Variants in PDE11A observed in about 807,000 individuals in gnomAD.
The protein encoded by PDE11A is dual 3',5'-cyclic-AMP and -GMP phosphodiesterase 11A.
PDE11A carries 100 observed loss-of-function variants against 100.5 expected under a neutral mutation model. The ratio of observed to expected loss-of-function variants is 1.00; its 90% CI spans 0.85 to 1.18. PDE11A has a LOEUF of 1.18. Among genes scored for constraint, PDE11A ranks in the 50% most tolerant of loss-of-function variants. PDE11A has a pLI of 0.00. For synonymous variants in PDE11A, 381 were observed against 420.8 expected, an observed-to-expected ratio of 0.91 and a Z score of 1.16; for missense variants, 1,141 against 1,152.6, an observed-to-expected ratio of 0.99 and a Z score of 0.15.
chr2:177,823,651 A>G (rs537140842), intron 6 of PDE11A, among the ~76,000 whole-genome samples: 2 of 152,310 alleles, frequency 1.3e-5, no homozygotes, highest in African/African-American at 2.4e-5. Context: ...TTCCAAAAAA[A>G]CAAACTGGTT....
chr2:177,990,259 T>A (rs182500265), intron 2 of PDE11A, among the ~76,000 whole-genome samples: 6 of 152,274 alleles, frequency 3.9e-5, no homozygotes, highest in Admixed American at 3.9e-4. Context: ...TCAATGAAAA[T>A]TCACTTGTAT....
At chr2:178,012,312 G>A (rs1209256355) in intron 2 of PDE11A, among the ~76,000 whole-genome samples, 1 of 152,122 alleles carries the variant, frequency 6.6e-6, no homozygotes, top group Non-Finnish European at 1.5e-5. Flanking sequence ...AGAAAAAGTT[G>A]CTTGGGGATA....
At chr2:177,756,541 C>G (rs2082092708) in intron 10 of PDE11A, among the ~76,000 whole-genome samples, 1 of 152,060 alleles carries the variant, frequency 6.6e-6, no homozygotes, top group African/African-American at 2.4e-5. Flanking sequence ...AAACTTAAGC[C>G]CAAGTGTTGA....
rs940448147 is a variant in PDE11A at position 177,625,074 on chromosome 2, A to C, written c.*4333T>G. The C allele has an allele frequency of 2.6e-5, 4 of 152,644 alleles. No homozygotes were observed. Among genetic ancestry groups the C allele is most frequent in the African/African-American group, 9.7e-5 (4 of 41,438 alleles). The allele number at this position is 152,644 out of a possible 1,614,324, so 9.5% of individuals were successfully genotyped here. A position where few individuals can be genotyped will look rare whatever the true frequency, so the allele number is the denominator to read the frequency against. ...GACAGAGCAAGACCCTGTCTCAAAA[A>C]AAGGACATATCTTTTTTTAAATTGT... is the stretch of plus-strand genomic sequence containing the variant. On this transcript the variant is annotated 3_prime_UTR_variant, in exon 20 of 20. Coordinates refer to ENST00000286063, the MANE Select transcript of PDE11A (RefSeq NM_016953.4).
At chr2:177,643,026 G>C (rs1418537692) in intron 19 of PDE11A, among the ~76,000 whole-genome samples, 2 of 152,084 alleles carry the variant, frequency 1.3e-5, no homozygotes, top group African/African-American at 4.8e-5. Context: ...CTCCCCAGCC[G>C]CATGGAACTG....
rs1574220846 is a variant in PDE11A at position 177,855,659 on chromosome 2, A to G, written c.1368-15276T>C. On this transcript the variant is annotated intron_variant, in intron 5 of 19. Transcript: ENST00000286063. ...GGCAGTTCCATGGAAACCTCCATTC[A>G]CAGAACTTGTCTTTATTTGACCTGA... is the stretch of plus-strand genomic sequence containing the variant. Among the ~76,000 whole-genome samples the G allele has an allele frequency of 2.0e-5, 3 of 152,046 alleles. No individual in the cohort carries two copies. In the East Asian group the frequency reaches 5.8e-4, roughly 29 times the overall value.
intron 10 of PDE11A, among the ~76,000 whole-genome samples, chr2:177,758,733 G>A (rs898904681): frequency 2.0e-5 from 3 of 152,092 alleles, no homozygotes; most frequent in Admixed American, 1.3e-4. Context: ...AGACCTCCAC[G>A]GTGCCTCCTT....
intron 4 of PDE11A, among the ~76,000 whole-genome samples, chr2:177,895,208 T>A (rs1305784422): frequency 6.6e-6 from 1 of 152,002 alleles, no homozygotes; most frequent in Non-Finnish European, 1.5e-5. Context: ...AAACTTTCAA[T>A]AATAAGTCTA....
rs2080528061 is a variant in PDE11A, at chr2:177,663,943, A to T, written c.2569T>A (p.Phe857Ile). Reference protein sequence around the residue: ...LELKLTPSAIFDRNRKDELPR... With the variant: ...LELKLTPSAIIDRNRKDELPR... ...AGTTCATCCTTCCGGTTCCGATCAA[A>T]AATTGCCTAGAATGGGGGGCAGGAA... Residue 857 changes from phenylalanine to isoleucine, a missense_variant, in exon 19 of 20, where the codon TTT (phenylalanine) becomes ATT (isoleucine). Coordinates refer to ENST00000286063, the MANE Select transcript of PDE11A (RefSeq NM_016953.4). 1 of 1,609,170 alleles carries T rather than the reference A, an allele frequency of 6.2e-7. No homozygotes were observed. The highest frequency in any genetic ancestry group is 1.3e-5 in the African/African-American group (1 of 74,766).
In PDE11A at chr2:177,671,580, T is replaced by TA. The variant is rs55717121; in HGVS notation, c.2488-2014dup. On this transcript the variant is annotated intron_variant, in intron 17 of 19. Transcript: ENST00000286063. The stretch of plus-strand genomic sequence containing the variant: ...TTTCCTAAAATTTTGAAGTGAGCAT[T>TA]AAAAAAAAAAAAATTTAACCCATCA... Among the ~76,000 whole-genome samples, 468 of 145,222 alleles carry TA rather than the reference T, an allele frequency of 3.2e-3. 1 individual carries two copies. The highest frequency in any genetic ancestry group is 8.1e-3 in the African/African-American group (320 of 39,650).
chr2:178,047,563 C>G (rs756352336), intron 1 of PDE11A, among the ~76,000 whole-genome samples: 17 of 151,800 alleles, frequency 1.1e-4, no homozygotes, highest in African/African-American at 3.9e-4. Flanking sequence ...ACAAATAGAG[C>G]TTTGTTACAA....
chr2:177,905,990 A>C (rs1019420091), intron 2 of PDE11A, among the ~76,000 whole-genome samples: 1 of 152,202 alleles, frequency 6.6e-6, no homozygotes. Flanking sequence ...CAAGAAATTC[A>C]TCTCCAGAAT....
At chr2:177,972,977 T>G (rs13019623) in intron 2 of PDE11A, among the ~76,000 whole-genome samples, 9,550 of 152,192 alleles carry the variant, frequency 0.063, 309 homozygotes, top group South Asian at 0.094. Context: ...CCAGAGTGGA[T>G]AAGGCAGTTT....
chr2:177,957,818 TG>T (rs1191355926), intron 2 of PDE11A, among the ~76,000 whole-genome samples: 1 of 152,120 alleles, frequency 6.6e-6, no homozygotes, highest in Non-Finnish European at 1.5e-5. Context: ...TCTTCAAAGA[TG>T]TAAAGAATAC....
chr2:178,104,554 C>T, intron 1 of PDE11A: 2 of 1,266,652 alleles, frequency 1.6e-6, no homozygotes, highest in Non-Finnish European at 2.3e-6. Context: ...AAAAGAATTC[C>T]ATCATTTTGA....
intron 15 of PDE11A, among the ~76,000 whole-genome samples, chr2:177,682,736 C>A (rs57021055): frequency 0.08 from 12,140 of 151,878 alleles, 580 homozygotes; most frequent in East Asian, 0.19. Context: ...GATGTTCCTG[C>A]CAAGTAGGTT....
At position 177,894,375 on chromosome 2, in the gene PDE11A, T is replaced by G. The variant is rs578004194; in HGVS notation, c.1302+3683A>C. Among the ~76,000 whole-genome samples, 8 of 152,278 alleles carry G rather than the reference T, an allele frequency of 5.3e-5. No individual in the cohort carries two copies. In the South Asian group the frequency reaches 1.5e-3, roughly 28 times the overall value. ...GCTTCTGGAATAATACTGAGCAGATTAATATTTTTTTTCACCTGGTTCACT... is the reference window on the plus strand; with the variant it reads ...GCTTCTGGAATAATACTGAGCAGATGAATATTTTTTTTCACCTGGTTCACT... On this transcript the variant is annotated intron_variant, in intron 4 of 19. Transcript: ENST00000286063.
chr2:177,860,829 GACAAAAATCACAT>G, intron 5 of PDE11A, among the ~76,000 whole-genome samples: 1 of 151,638 alleles, frequency 6.6e-6, no homozygotes, highest in East Asian at 1.9e-4. Flanking sequence ...TAGAATAAAA[GACAAAAATCACAT>G]GATTATCTCA....
intron 2 of PDE11A, among the ~76,000 whole-genome samples, chr2:177,962,381 G>A (rs927041680): frequency 6.6e-6 from 1 of 151,466 alleles, no homozygotes; most frequent in Non-Finnish European, 1.5e-5. Context: ...TTATACAATC[G>A]GTAAAATGAA....
Sources: gnomAD v4.1 joint callset for allele counts (sites outside exome capture counted in the v4.1 genomes callset) on GRCh38, gnomAD v4.1.1 for gene constraint, MANE v1.5 for transcripts, NCBI Gene and HGNC (gene_info 2026-07-23, HGNC 2026-07-21) for gene names.